Variants in CNTNAP5 observed in about 807,000 individuals in gnomAD.
The protein encoded by CNTNAP5 is contactin-associated protein-like 5.
CNTNAP5 carries 72 observed loss-of-function variants against 150.2 expected under a neutral mutation model. That is an observed-to-expected ratio of 0.48 (90% CI 0.40 to 0.58). The LOEUF is 0.58. Ranked by LOEUF, CNTNAP5 falls within the 20% of genes least tolerant of loss-of-function variation. CNTNAP5 has a pLI of 0.00. For missense variants in CNTNAP5, 1,636 were observed against 1,626.2 expected (o/e 1.01, Z -0.10); for synonymous variants, 672 against 619.8 (o/e 1.08, Z -1.25).
chr2:124,095,484 A>G (rs1460051539), intron 1 of CNTNAP5, among the ~76,000 whole-genome samples: 2 of 152,118 alleles, frequency 1.3e-5, no homozygotes, highest in Non-Finnish European at 1.5e-5. Flanking sequence ...CACATTCTGC[A>G]CATGTATCCC....
intron 3 of CNTNAP5, among the ~76,000 whole-genome samples, chr2:124,344,715 C>T (rs981923808): frequency 2.0e-5 from 3 of 152,134 alleles, no homozygotes; most frequent in Non-Finnish European, 4.4e-5. Context: ...ATGATAGCAC[C>T]ACTTCACTGC....
chr2:124,894,339 C>A (rs530199396), intron 21 of CNTNAP5, among the ~76,000 whole-genome samples: 1 of 151,264 alleles, frequency 6.6e-6, no homozygotes, highest in Non-Finnish European at 1.5e-5. Context: ...TGCTAAAAAA[C>A]CTCTCTTGGA....
chr2:124,839,097 C>T (rs1427049207), intron 19 of CNTNAP5, among the ~76,000 whole-genome samples: 1 of 151,958 alleles, frequency 6.6e-6, no homozygotes, highest in African/African-American at 2.4e-5. Context: ...AAGAAGGCTC[C>T]CCTGGTGAGC....
intron 3 of CNTNAP5, among the ~76,000 whole-genome samples, chr2:124,352,479 C>T (rs1028757745): frequency 6.6e-6 from 1 of 152,094 alleles, no homozygotes; most frequent in African/African-American, 2.4e-5. Flanking sequence ...TGCCTGGACG[C>T]AGAGAAATAC....
At chr2:124,391,773 G>C (rs1486917068) in intron 3 of CNTNAP5, among the ~76,000 whole-genome samples, 1 of 151,736 alleles carries the variant, frequency 6.6e-6, no homozygotes, top group Non-Finnish European at 1.5e-5. Context: ...GGCTAACACG[G>C]TGAGACCCCG....
chr2:124,768,309 G>A (rs1483632370), intron 16 of CNTNAP5, among the ~76,000 whole-genome samples: 3 of 136,368 alleles, frequency 2.2e-5, no homozygotes, highest in Non-Finnish European at 3.1e-5. Context: ...GTGTGTGTGT[G>A]TATATGTATG....
At chr2:124,429,138 CTTA>C (rs1370898691) in intron 4 of CNTNAP5, among the ~76,000 whole-genome samples, 1 of 152,188 alleles carries the variant, frequency 6.6e-6, no homozygotes. Flanking sequence ...TAGTTTATCT[CTTA>C]TTAACAGCAA....
chr2:124,509,938 A>G (rs1430282528), intron 8 of CNTNAP5, among the ~76,000 whole-genome samples: 1 of 152,158 alleles, frequency 6.6e-6, no homozygotes. Flanking sequence ...TTAACTGTAT[A>G]ATATTATTAA....
intron 2 of CNTNAP5, among the ~76,000 whole-genome samples, chr2:124,227,706 TA>T (rs1462679337): frequency 6.8e-6 from 1 of 147,634 alleles, no homozygotes; most frequent in Admixed American, 6.8e-5. Flanking sequence ...CAGGAACCAG[TA>T]AAATGGTAAA....
At chr2:124,279,670 A>T (rs1687966469) in intron 3 of CNTNAP5, among the ~76,000 whole-genome samples, 1 of 152,098 alleles carries the variant, frequency 6.6e-6, no homozygotes, top group Non-Finnish European at 1.5e-5. Flanking sequence ...ATGCATATTG[A>T]CTCACTGCAT....
chr2:124,083,027 A>G (rs983087329), intron 1 of CNTNAP5, among the ~76,000 whole-genome samples: 4 of 152,156 alleles, frequency 2.6e-5, no homozygotes, highest in African/African-American at 9.7e-5. Flanking sequence ...TATACTGGAT[A>G]CTACCCCTTG....
chr2:124,121,080 TC>T (rs1683549174), intron 1 of CNTNAP5, among the ~76,000 whole-genome samples: 1 of 152,018 alleles, frequency 6.6e-6, no homozygotes, highest in South Asian at 2.1e-4. Flanking sequence ...GCCATCTCCA[TC>T]TTACTGACAG....
chr2:124,768,513 T>G (rs1369087879), intron 16 of CNTNAP5, among the ~76,000 whole-genome samples: 1 of 152,102 alleles, frequency 6.6e-6, no homozygotes, highest in African/African-American at 2.4e-5. Context: ...GTTGAGCAAT[T>G]ATTCTGATTA....
chr2:124,235,252 A>T (rs567356182), intron 2 of CNTNAP5, among the ~76,000 whole-genome samples: 1 of 152,276 alleles, frequency 6.6e-6, no homozygotes, highest in East Asian at 1.9e-4. Context: ...CCAGGCAAGA[A>T]GGCTTCTCTT....
chr2:124,090,421 A>G (rs373672687), intron 1 of CNTNAP5, among the ~76,000 whole-genome samples: 2 of 152,204 alleles, frequency 1.3e-5, no homozygotes, highest in East Asian at 1.9e-4. Context: ...TGCTGAAGAT[A>G]AGACCATTGA....
At chr2:124,475,032 G>T (rs4411700) in intron 7 of CNTNAP5, 150 bp downstream of exon 7, 478,622 of 560,970 alleles carry the variant, frequency 0.85, 206,946 homozygotes, top group Non-Finnish European at 0.91. Flanking sequence ...GAGAGAAAGA[G>T]AATGGCAGAT....
intron 3 of CNTNAP5, among the ~76,000 whole-genome samples, chr2:124,376,164 C>T (rs1690644387): frequency 6.6e-6 from 1 of 152,040 alleles, no homozygotes; most frequent in Non-Finnish European, 1.5e-5. Flanking sequence ...AAGCAACCGT[C>T]TATACCAATA....
chr2:124,776,814 T>C (rs1325031978), intron 17 of CNTNAP5, among the ~76,000 whole-genome samples: 1 of 152,212 alleles, frequency 6.6e-6, no homozygotes, highest in Admixed American at 6.5e-5. Flanking sequence ...ATAATAATTA[T>C]CATGACATCA....
rs543312804 is a variant in CNTNAP5, at chr2:124,258,894, A to T, written c.381+16501A>T. Among the ~76,000 whole-genome samples, 5 of 152,008 alleles carry T rather than the reference A, an allele frequency of 3.3e-5. No homozygotes were observed. The South Asian group carries it at 1.0e-3, about 32-fold the overall frequency. On this transcript the variant is annotated intron_variant, in intron 3 of 23. Coordinates refer to ENST00000682447, the MANE Select transcript of CNTNAP5 (RefSeq NM_001367498.1). Reference sequence around the variant, plus strand: ...TTTTTTACTTTAAGTTTTAGGGTACATGTGCACAACGTGCAGGTTTGTTAC... The same window carrying T: ...TTTTTTACTTTAAGTTTTAGGGTACTTGTGCACAACGTGCAGGTTTGTTAC...
Sources: gnomAD v4.1 joint callset for allele counts (sites outside exome capture counted in the v4.1 genomes callset) on GRCh38, gnomAD v4.1.1 for gene constraint, MANE v1.5 for transcripts, NCBI Gene and HGNC (gene_info 2026-07-23, HGNC 2026-07-21) for gene names.